RND3: variants seen among roughly 807,000 people sequenced by gnomAD.
RND3 encodes Rho family GTPase 3.
In RND3, 8 loss-of-function variants were observed where a neutral mutation model predicts 26.5. That is an observed-to-expected ratio of 0.30 (90% CI 0.18 to 0.54). RND3 has a LOEUF of 0.54. Among genes scored for constraint, RND3 ranks in the 20% least tolerant of loss-of-function variants. The probability of loss-of-function intolerance (pLI) is 0.94; values close to 1 mark genes in which losing one functional copy is unlikely to be tolerated. For synonymous variants in RND3, 113 were observed against 113.0 expected, an observed-to-expected ratio of 1.00 and a Z score of 0.00; for missense variants, 207 against 302.8, an observed-to-expected ratio of 0.68 and a Z score of 2.35.
rs1050548161 is a variant in RND3 at position 150,469,491 on chromosome 2, A to G, written c.*496T>C. 3 of 154,288 alleles carry G rather than the reference A, an allele frequency of 1.9e-5. No homozygotes were observed. Among genetic ancestry groups the G allele is most frequent in the African/African-American group, 7.2e-5 (3 of 41,450 alleles). 9.6% of individuals were successfully genotyped at this position (154,288 alleles called of 1,614,324 possible). ...AATTTCCTTTTTAATGATGAGCTAG[A>G]AAGAAATTAGATCACATCCTCTAGA... On this transcript the variant is annotated 3_prime_UTR_variant, in exon 6 of 6. Coordinates refer to ENST00000263895, the MANE Select transcript of RND3 (RefSeq NM_005168.5).
At position 150,469,720 on chromosome 2, in the gene RND3, A is replaced by G. The variant is rs545169599; in HGVS notation, c.*267T>C. On this transcript the variant is annotated 3_prime_UTR_variant, in exon 6 of 6. Coordinates refer to ENST00000263895, the MANE Select transcript of RND3 (RefSeq NM_005168.5). The stretch of plus-strand genomic sequence containing the variant: ...CTTGGAGGTACTCGCATCCCCCCTC[A>G]TCTTCCTCTAGCTCATTTGTATCTC... 1 of 402,464 alleles carries G rather than the reference A, an allele frequency of 2.5e-6. No individual in the cohort carries two copies. Among genetic ancestry groups the G allele is most frequent in the African/African-American group, 2.1e-5 (1 of 48,732 alleles). The allele number at this position is 402,464 out of a possible 1,614,324, so 24.9% of individuals were successfully genotyped here. A position where few individuals can be genotyped will look rare whatever the true frequency, so the allele number is the denominator to read the frequency against.
In RND3 at chr2:150,486,786, AT is replaced by A. The variant is rs754465046; in HGVS notation, c.151-6del. 6.2e-7 allele frequency: 1 copy of A among 1,603,940 alleles called. No homozygotes were observed. ...AAACACTGTAGGAACGTAATTCTGGATAGACAAAATGGGCAAAAGAGGAAGG... is the reference window on the plus strand; with the variant it reads ...AAACACTGTAGGAACGTAATTCTGGAAGACAAAATGGGCAAAAGAGGAAGG... On this transcript the variant is annotated splice_region_variant and splice_polypyrimidine_tract_variant and intron_variant, in intron 2 of 5. Transcript: ENST00000263895. The surrounding 1 kb of genome is among the most constrained non-coding windows in gnomAD (Gnocchi z 4.5).
chr2:150,474,836 A>T, intron 4 of RND3, 39 bp downstream of exon 4: 1 of 1,138,380 alleles, frequency 8.8e-7, no homozygotes, highest in Non-Finnish European at 1.3e-6. Context: ...TTTATACATC[A>T]CCCAGTACTG....
intron 3 of RND3, among the ~76,000 whole-genome samples, chr2:150,484,027 C>G (rs950041702): frequency 1.3e-5 from 2 of 152,130 alleles, no homozygotes; most frequent in Non-Finnish European, 2.9e-5. Context: ...TATTTCACTA[C>G]AAATTCATTT....
chr2:150,475,747 C>A (rs1418564846), intron 3 of RND3, among the ~76,000 whole-genome samples: 1 of 152,148 alleles, frequency 6.6e-6, no homozygotes, highest in Non-Finnish European at 1.5e-5. Flanking sequence ...CTGTTACAAT[C>A]AAGAATGTAA....
At chr2:150,474,849 G>A in intron 4 of RND3, 26 bp downstream of exon 4, 4 of 1,291,612 alleles carry the variant, frequency 3.1e-6, no homozygotes, top group Non-Finnish European at 4.5e-6. Context: ...CAGTACTGAA[G>A]TGTGTCATCA....
intron 3 of RND3, among the ~76,000 whole-genome samples, chr2:150,481,481 T>C (rs938363960): frequency 1.4e-4 from 21 of 152,300 alleles, no homozygotes; most frequent in African/African-American, 5.1e-4. Context: ...ATTTGATTTC[T>C]TTTGTTAGTT....
rs1686053229 is a variant in RND3 at position 150,469,845 on chromosome 2, AAAAGATGAGTATCCTCTC to A, written c.*124_*141del. On this transcript the variant is annotated 3_prime_UTR_variant, in exon 6 of 6. Coordinates refer to ENST00000263895, the MANE Select transcript of RND3 (RefSeq NM_005168.5). Reference sequence around the variant, plus strand: ...TGCCGAACCTAAGGTCAGGATTCCAAAAAGATGAGTATCCTCTCAAACGCCTCCTAAGCCTCTGGTATA... The same window carrying A: ...TGCCGAACCTAAGGTCAGGATTCCAAAAACGCCTCCTAAGCCTCTGGTATA... 1 of 902,946 alleles carries A rather than the reference AAAAGATGAGTATCCTCTC, an allele frequency of 1.1e-6. No homozygotes were observed. The highest frequency in any genetic ancestry group is 1.7e-5 in the African/African-American group (1 of 59,322). 55.9% of individuals were successfully genotyped at this position (902,946 alleles called of 1,614,324 possible).
intron 3 of RND3, among the ~76,000 whole-genome samples, chr2:150,482,978 A>C (rs1686300520): frequency 6.6e-6 from 1 of 152,122 alleles, no homozygotes; most frequent in Non-Finnish European, 1.5e-5. Flanking sequence ...CTTAATTAAC[A>C]CTGTATCTCT....
chr2:150,468,833 G>A lies in RND3; in HGVS notation c.*1154C>T, dbSNP rs1686035259. The A allele has an allele frequency of 6.6e-6, 1 of 152,624 alleles. No homozygotes were observed. Among genetic ancestry groups the A allele is most frequent in the Admixed American group, 6.5e-5 (1 of 15,278 alleles). 9.5% of individuals were successfully genotyped at this position (152,624 alleles called of 1,614,324 possible). ...CACTCTAGAAATGCCCTAGTGTTAT[G>A]TCAGGACTGAAAGTTTATCATATAA... On this transcript the variant is annotated 3_prime_UTR_variant, in exon 6 of 6. Transcript: ENST00000263895.
chr2:150,478,498 TG>T (rs1686210868), intron 3 of RND3, among the ~76,000 whole-genome samples: 2 of 143,676 alleles, frequency 1.4e-5, no homozygotes, highest in African/African-American at 5.3e-5. Flanking sequence ...TGAAAGTAAG[TG>T]GGTAAAGCAG....
At chr2:150,479,030 T>C (rs943170351) in intron 3 of RND3, among the ~76,000 whole-genome samples, 8 of 152,150 alleles carry the variant, frequency 5.3e-5, no homozygotes, top group African/African-American at 1.9e-4. Flanking sequence ...GCAAAATGTG[T>C]ACCCCGCTCA....
Position 150,486,986 on chromosome 2 carries a change from C to A in RND3, c.151-205G>T, listed in dbSNP as rs2105225267. ...CTCACCCCACCCGGCTCTCACAGAT[C>A]TGCTGACCCGAATCTCCCAACCCCA... On this transcript the variant is annotated intron_variant, in intron 2 of 5. Coordinates refer to ENST00000263895, the MANE Select transcript of RND3 (RefSeq NM_005168.5). This position sits in a 1 kb window ranked among gnomAD's most constrained non-coding sequence, Gnocchi z 4.5. 1 of 617,926 alleles carries A rather than the reference C, an allele frequency of 1.6e-6. No individual in the cohort carries two copies. Among genetic ancestry groups the A allele is most frequent in the East Asian group, 2.8e-5 (1 of 36,338 alleles). 38.3% of individuals were successfully genotyped at this position (617,926 alleles called of 1,614,324 possible). A position where few individuals can be genotyped will look rare whatever the true frequency, so the allele number is the denominator to read the frequency against.
At position 150,469,698 on chromosome 2, in the gene RND3, G is replaced by A. The variant is rs1686049770; in HGVS notation, c.*289C>T. The A allele has an allele frequency of 2.9e-6, 1 of 343,714 alleles. No homozygotes were observed. Among genetic ancestry groups the A allele is most frequent in the Non-Finnish European group, 5.2e-6 (1 of 190,974 alleles). 21.3% of individuals were successfully genotyped at this position (343,714 alleles called of 1,614,324 possible). On this transcript the variant is annotated 3_prime_UTR_variant, in exon 6 of 6. Coordinates refer to ENST00000263895, the MANE Select transcript of RND3 (RefSeq NM_005168.5). ...CATTCAGAGTGTGATTTTTCTTCTT[G>A]GAGGTACTCGCATCCCCCCTCATCT...
At position 150,470,222 on chromosome 2, in the gene RND3, T is replaced by C; in HGVS notation, c.500A>G (p.Lys167Arg). The change falls in exon 6 of 6, where the codon AAA becomes AGA. Residue 167 changes from lysine (K) to arginine (R), a missense_variant. By Grantham distance (26) the Lys-to-Arg change is conservative. Transcript: ENST00000263895. ...GATATAAGTAGCTGCTCCAATCTGT[T>C]TGGCCATATTTGCCCCCTGAGAAGC... ...VSYDQGANMA[K>R]QIGAATYIEC... The C allele has an allele frequency of 6.2e-7, 1 of 1,613,032 alleles. No homozygotes were observed. Among genetic ancestry groups the C allele is most frequent in the Non-Finnish European group, 8.5e-7 (1 of 1,179,238 alleles).
chr2:150,469,644 A>AAC lies in RND3; in HGVS notation c.*342_*343insGT, dbSNP rs1034151621. On this transcript the variant is annotated 3_prime_UTR_variant, in exon 6 of 6. Transcript: ENST00000263895. Reference sequence around the variant, plus strand: ...TGGAGATCCATGAATAGATTATAACAAAAAAAAAAAACCCAAAAATGCAAG... The same window carrying AAC: ...TGGAGATCCATGAATAGATTATAACAACAAAAAAAAAAACCCAAAAATGCAAG... 7.7e-5 allele frequency: 6 copies of AAC among 77,454 alleles called. No individual in the cohort carries two copies. In the African/African-American group the frequency reaches 2.2e-3, roughly 28 times the overall value. 4.8% of individuals were successfully genotyped at this position (77,454 alleles called of 1,614,324 possible).
intron 4 of RND3, 97 bp from the exon 5 acceptor site, chr2:150,471,858 C>A: frequency 9.7e-7 from 1 of 1,028,276 alleles, no homozygotes. Flanking sequence ...GAATGAAACT[C>A]AGAAAAGATG....
chr2:150,475,939 T>C (rs534622371), intron 3 of RND3, among the ~76,000 whole-genome samples: 1 of 152,308 alleles, frequency 6.6e-6, no homozygotes, highest in East Asian at 1.9e-4. Flanking sequence ...TCTATTTCTT[T>C]AAGAATTCCA....
chr2:150,481,553 C>A (rs371214340), intron 3 of RND3, among the ~76,000 whole-genome samples: 2 of 152,234 alleles, frequency 1.3e-5, no homozygotes, highest in East Asian at 3.9e-4. Context: ...TCTGTCTTAT[C>A]ACATGGTGAA....
Sources: gnomAD v4.1 joint callset for allele counts (sites outside exome capture counted in the v4.1 genomes callset) on GRCh38, gnomAD v4.1.1 for gene constraint, Gnocchi (gnomAD v3.1) non-coding constraint, MANE v1.5 for transcripts, NCBI Gene and HGNC (gene_info 2026-07-23, HGNC 2026-07-21) for gene names.